SMIM31: variants seen among roughly 807,000 people sequenced by gnomAD.
The protein encoded by SMIM31 is human epithelial cell program regulator.
At chr4:164,764,268 G>A (rs1732689376) in intron 1 of SMIM31, among the ~76,000 whole-genome samples, 1 of 152,018 alleles carries the variant, frequency 6.6e-6, no homozygotes, top group Non-Finnish European at 1.5e-5. Flanking sequence ...AGACCATTGA[G>A]TTAAAATGTG....
At chr4:164,785,083 G>A (rs187966234) in intron 2 of SMIM31, among the ~76,000 whole-genome samples, 7 of 151,914 alleles carry the variant, frequency 4.6e-5, no homozygotes, top group Non-Finnish European at 7.4e-5. Context: ...AAAGTTAGCC[G>A]GGTGTGGTGG....
In SMIM31 at chr4:164,803,078, T is replaced by C. The variant is rs1733307851; in HGVS notation, c.*1884T>C. On this transcript the variant is annotated 3_prime_UTR_variant, in exon 3 of 3. Coordinates refer to ENST00000507311, the MANE Select transcript of SMIM31 (RefSeq NM_001352885.1). Reference sequence around the variant, plus strand: ...ATGTGTAACTCAGTGCCTAGGATCGTTGCTGAATAACGCTACCTATTATTA... The same window carrying C: ...ATGTGTAACTCAGTGCCTAGGATCGCTGCTGAATAACGCTACCTATTATTA... The C allele has an allele frequency of 6.6e-6, 1 of 152,216 alleles. No homozygotes were observed. The highest frequency in any genetic ancestry group is 2.4e-5 in the African/African-American group (1 of 41,458). The allele number at this position is 152,216 out of a possible 1,614,324, so 9.4% of individuals were successfully genotyped here.
At chr4:164,792,135 C>G (rs1017204004) in intron 2 of SMIM31, among the ~76,000 whole-genome samples, 1 of 152,174 alleles carries the variant, frequency 6.6e-6, no homozygotes, top group Non-Finnish European at 1.5e-5. Context: ...TTTAGTAGAT[C>G]TGAGATTCTG....
chr4:164,780,987 T>G (rs1360611728), intron 2 of SMIM31, among the ~76,000 whole-genome samples: 1 of 152,124 alleles, frequency 6.6e-6, no homozygotes, highest in African/African-American at 2.4e-5. Flanking sequence ...TTTTTAATTT[T>G]GGTACAGACA....
chr4:164,775,007 C>T (rs916313005), intron 2 of SMIM31, among the ~76,000 whole-genome samples: 1 of 152,184 alleles, frequency 6.6e-6, no homozygotes, highest in African/African-American at 2.4e-5. Context: ...AGGAAATGGG[C>T]CAGACATTTG....
intron 2 of SMIM31, among the ~76,000 whole-genome samples, chr4:164,773,029 T>TAAAAAAAAAAAAAAAAA: frequency 1.3e-5 from 1 of 76,670 alleles, no homozygotes; most frequent in Non-Finnish European, 2.4e-5. Flanking sequence ...CACTTGGCTT[T>TAAAAAAAAAAAAAAAAA]AAAAAAAAAA....
chr4:164,792,597 T>C (rs6536854), intron 2 of SMIM31, among the ~76,000 whole-genome samples: 110,070 of 151,562 alleles, frequency 0.73, 40,466 homozygotes, highest in Non-Finnish European at 0.8. Flanking sequence ...GGTTTTGTCT[T>C]TTTAATTTTT....
At chr4:164,767,234 G>A (rs1033252631) in intron 1 of SMIM31, among the ~76,000 whole-genome samples, 9 of 152,062 alleles carry the variant, frequency 5.9e-5, no homozygotes, top group East Asian at 3.9e-4. Context: ...TGGTAGGGTC[G>A]GGATAGTCTA....
At chr4:164,793,625 T>G (rs1015312919) in intron 2 of SMIM31, among the ~76,000 whole-genome samples, 1 of 152,166 alleles carries the variant, frequency 6.6e-6, no homozygotes, top group Non-Finnish European at 1.5e-5. Context: ...TTCTTCTTTG[T>G]GTGAATGCAG....
intron 2 of SMIM31, among the ~76,000 whole-genome samples, chr4:164,786,564 T>G (rs1268781655): frequency 2.0e-5 from 3 of 152,224 alleles, no homozygotes; most frequent in Non-Finnish European, 2.9e-5. Flanking sequence ...GTATATTTTG[T>G]GCTAGAATTC....
intron 2 of SMIM31, among the ~76,000 whole-genome samples, chr4:164,773,029 TAAAAA>T (rs56863708): frequency 0.047 from 3,581 of 76,694 alleles, 157 homozygotes; most frequent in African/African-American, 0.12. Context: ...CACTTGGCTT[TAAAAA>T]AAAAAAAAAA....
At chr4:164,772,640 G>A (rs1302736019) in intron 2 of SMIM31, among the ~76,000 whole-genome samples, 2 of 149,514 alleles carry the variant, frequency 1.3e-5, no homozygotes, top group Non-Finnish European at 3.0e-5. Flanking sequence ...GTGCAGTGGC[G>A]CGATCTCGAC....
intron 1 of SMIM31, among the ~76,000 whole-genome samples, chr4:164,761,762 C>A (rs1313476720): frequency 4.2e-5 from 6 of 144,246 alleles, no homozygotes; most frequent in African/African-American, 5.1e-5. Flanking sequence ...ACTAAAAATA[C>A]AAAAAAAAAA....
chr4:164,791,396 G>A (rs1034517387), intron 2 of SMIM31, among the ~76,000 whole-genome samples: 2 of 152,056 alleles, frequency 1.3e-5, no homozygotes, highest in Admixed American at 6.6e-5. Context: ...GCAGTGGTGC[G>A]ATCTCAGCTT....
Position 164,790,660 on chromosome 4 carries a change from C to A in SMIM31, c.113-10431C>A, listed in dbSNP as rs191596609. 8.5e-4 allele frequency among the ~76,000 whole-genome samples: 129 copies of A among 152,188 alleles called. 4 individuals are homozygous for A. The East Asian group carries it at 0.02, about 24-fold the overall frequency. On this transcript the variant is annotated intron_variant, in intron 2 of 2. Coordinates refer to ENST00000507311, the MANE Select transcript of SMIM31 (RefSeq NM_001352885.1). ...AGTTTTGTATTTTTACTTTACCAAACCTTTACAATATTTAAGGTTAATATT... is the reference window on the plus strand; with the variant it reads ...AGTTTTGTATTTTTACTTTACCAAAACTTTACAATATTTAAGGTTAATATT...
intron 1 of SMIM31, among the ~76,000 whole-genome samples, chr4:164,768,198 TGCTCTCCAG>T (rs1732744999): frequency 2.0e-5 from 3 of 150,398 alleles, no homozygotes; most frequent in Admixed American, 2.0e-4. Context: ...ATCATGCCAT[TGCTCTCCAG>T]CCTGGGCAAC....
intron 2 of SMIM31, among the ~76,000 whole-genome samples, chr4:164,781,711 G>A (rs1328915841): frequency 6.6e-6 from 1 of 152,112 alleles, no homozygotes; most frequent in Non-Finnish European, 1.5e-5. Context: ...GTCCCCTGGA[G>A]AGGCCAAGGT....
intron 2 of SMIM31, among the ~76,000 whole-genome samples, chr4:164,799,923 T>C (rs1273665708): frequency 6.6e-6 from 1 of 152,208 alleles, no homozygotes; most frequent in Non-Finnish European, 1.5e-5. Flanking sequence ...ATGGACAGTA[T>C]GTGCAATCAA....
intron 1 of SMIM31, among the ~76,000 whole-genome samples, chr4:164,765,986 A>C (rs905671007): frequency 1.3e-5 from 2 of 152,226 alleles, no homozygotes; most frequent in Non-Finnish European, 2.9e-5. Context: ...AGCATGTTCC[A>C]TGCTGTCCCC....
Sources: gnomAD v4.1 joint callset for allele counts (sites outside exome capture counted in the v4.1 genomes callset) on GRCh38, gnomAD v4.1.1 for gene constraint, MANE v1.5 for transcripts, NCBI Gene and HGNC (gene_info 2026-07-23, HGNC 2026-07-21) for gene names.